The following SF3B6 variants were observed in gnomAD, a reference collection of about 807,000 sequenced individuals.
SF3B6 encodes SF3b 14 kDa subunit.
A neutral mutation model predicts 15.9 loss-of-function variants in SF3B6; 3 were observed. That is an observed-to-expected ratio of 0.19 (90% CI 0.09 to 0.49). The LOEUF (loss-of-function observed/expected upper bound fraction) is 0.49, where lower values mean the gene tolerates loss of function less well. SF3B6 is among the 20% of genes least tolerant of loss of function. The pLI is 0.97. For synonymous variants in SF3B6, 49 were observed against 51.1 expected, an observed-to-expected ratio of 0.96 and a Z score of 0.18; for missense variants, 71 against 154.3, an observed-to-expected ratio of 0.46 and a Z score of 2.86.
chr2:24,069,009 G>A (rs1553322419), intron 2 of SF3B6, among the ~76,000 whole-genome samples: 3 of 152,144 alleles, frequency 2.0e-5, no homozygotes, highest in Non-Finnish European at 4.4e-5. Context: ...ACCATGCCCA[G>A]CTAATTTTTG....
At chr2:24,072,238 G>A (rs780283520) in intron 2 of SF3B6, among the ~76,000 whole-genome samples, 11 of 152,156 alleles carry the variant, frequency 7.2e-5, no homozygotes, top group South Asian at 2.1e-4. Context: ...TGCCTGTCTC[G>A]GCCTCCCAAA....
intron 2 of SF3B6, among the ~76,000 whole-genome samples, chr2:24,072,474 T>C (rs1274788978): frequency 2.0e-5 from 3 of 152,016 alleles, no homozygotes; most frequent in Non-Finnish European, 4.4e-5. Context: ...GAGAGACACA[T>C]GGAAATGCTA....
In SF3B6 at chr2:24,076,317, G is replaced by C; in HGVS notation, c.-88C>G. On this transcript the variant is annotated 5_prime_UTR_variant, in exon 1 of 4. Transcript: ENST00000233468. Reference sequence around the variant, plus strand: ...CGGGGGTTACACCGCGTTAGATGCAGGACATCAACATCCAGGACCCGCCGG... The same window carrying C: ...CGGGGGTTACACCGCGTTAGATGCACGACATCAACATCCAGGACCCGCCGG... 2 of 1,513,158 alleles carry C rather than the reference G, an allele frequency of 1.3e-6. No individual in the cohort carries two copies. Among genetic ancestry groups the C allele is most frequent in the Admixed American group, 3.3e-5 (2 of 59,806 alleles). 93.7% of individuals were successfully genotyped at this position (1,513,158 alleles called of 1,614,324 possible). A position where few individuals can be genotyped will look rare whatever the true frequency, so the allele number is the denominator to read the frequency against.
At chr2:24,068,610 C>A in intron 2 of SF3B6, 151 bp from the exon 3 acceptor site, 2 of 698,004 alleles carry the variant, frequency 2.9e-6, no homozygotes, top group Non-Finnish European at 2.3e-6. Flanking sequence ...CAACCTGAAA[C>A]CATCAGAGGA....
At chr2:24,070,000 G>A (rs10208832) in intron 2 of SF3B6, among the ~76,000 whole-genome samples, 18,133 of 152,042 alleles carry the variant, frequency 0.12, 1,253 homozygotes, top group South Asian at 0.18. Context: ...TCTTCTATCA[G>A]TTCTCTCACA....
rs1464294244 is a variant in SF3B6 at position 24,075,331 on chromosome 2, TC to T, written c.30+868del. Among the ~76,000 whole-genome samples, 7 of 69,870 alleles carry T rather than the reference TC, an allele frequency of 1.0e-4. No individual in the cohort carries two copies. In the East Asian group the frequency reaches 4.1e-3, roughly 41 times the overall value. 45.8% of individuals were successfully genotyped at this position (69,870 alleles called of 152,430 possible). ...TACATATACAATGGTCAATTGCTTG[TC>T]TTTTCTTTCTTTCTTTCTTTCTTTC... On this transcript the variant is annotated intron_variant, in intron 1 of 3. Coordinates refer to ENST00000233468, the MANE Select transcript of SF3B6 (RefSeq NM_016047.4).
intron 2 of SF3B6, among the ~76,000 whole-genome samples, chr2:24,070,133 A>C (rs1177885144): frequency 6.6e-6 from 1 of 152,200 alleles, no homozygotes; most frequent in Non-Finnish European, 1.5e-5. Context: ...TCTCCATCTT[A>C]AGTGTCCCAG....
rs558291383 is a variant in SF3B6 at position 24,074,983 on chromosome 2, G to C, written c.31-789C>G. Among the ~76,000 whole-genome samples, 3 of 152,240 alleles carry C rather than the reference G, an allele frequency of 2.0e-5. No individual in the cohort carries two copies. In the South Asian group the frequency reaches 6.2e-4, roughly 32 times the overall value. On this transcript the variant is annotated intron_variant, in intron 1 of 3. Coordinates refer to ENST00000233468, the MANE Select transcript of SF3B6 (RefSeq NM_016047.4). ...GTCTCTACTAAAAATACAAAAATTA[G>C]CCGGGCATGGTGGTGGGCACCTGTA...
At position 24,076,127 on chromosome 2, in the gene SF3B6, A is replaced by G; in HGVS notation, c.30+73T>C. 6 of 1,569,506 alleles carry G rather than the reference A, an allele frequency of 3.8e-6. No individual in the cohort carries two copies. The South Asian group carries it at 6.7e-5, about 17-fold the overall frequency. On this transcript the variant is annotated intron_variant, in intron 1 of 3. Transcript: ENST00000233468. ...CTCTGGGGACGGAGGAGGAGCAAGA[A>G]TGCTCCGATCCACGCCGCTAAGAAA...
chr2:24,076,318 G>A lies in SF3B6; in HGVS notation c.-89C>T, dbSNP rs35100357. 4.8e-4 allele frequency: 728 copies of A among 1,505,770 alleles called. 2 individuals carry two copies. The African/African-American group carries it at 9.1e-3, about 19-fold the overall frequency. The allele number at this position is 1,505,770 out of a possible 1,614,324, so 93.3% of individuals were successfully genotyped here. A position where few individuals can be genotyped will look rare whatever the true frequency, so the allele number is the denominator to read the frequency against. On this transcript the variant is annotated 5_prime_UTR_variant, in exon 1 of 4. Coordinates refer to ENST00000233468, the MANE Select transcript of SF3B6 (RefSeq NM_016047.4). ...GGGGGTTACACCGCGTTAGATGCAGGACATCAACATCCAGGACCCGCCGGA... is the reference window on the plus strand; with the variant it reads ...GGGGGTTACACCGCGTTAGATGCAGAACATCAACATCCAGGACCCGCCGGA...
chr2:24,073,872 T>C (rs1664691501), intron 2 of SF3B6: 1 of 457,268 alleles, frequency 2.2e-6, no homozygotes. Flanking sequence ...TTCTTGGCTC[T>C]CATTGAGCTG....
rs576642714 is a variant in SF3B6 at position 24,068,243 on chromosome 2, A to G, written c.288+78T>C. 163 of 1,440,284 alleles carry G rather than the reference A, an allele frequency of 1.1e-4. 1 individual carries two copies. Among genetic ancestry groups the G allele is most frequent in the South Asian group, 1.1e-3 (78 of 72,880 alleles). The allele number at this position is 1,440,284 out of a possible 1,614,324, so 89.2% of individuals were successfully genotyped here. On this transcript the variant is annotated intron_variant, in intron 3 of 3. Coordinates refer to ENST00000233468, the MANE Select transcript of SF3B6 (RefSeq NM_016047.4). Reference sequence around the variant, plus strand: ...CTCCCAAAATGCTGGGATTACAGGCATGAGCCACCGCGCCCGGCCAGTTCT... The same window carrying G: ...CTCCCAAAATGCTGGGATTACAGGCGTGAGCCACCGCGCCCGGCCAGTTCT...
At chr2:24,074,705 G>A (rs1014933287) in intron 1 of SF3B6, among the ~76,000 whole-genome samples, 14 of 152,046 alleles carry the variant, frequency 9.2e-5, no homozygotes, top group Admixed American at 8.5e-4. Context: ...CTATTACTAC[G>A]CCAACCTTCA....
intron 2 of SF3B6, among the ~76,000 whole-genome samples, chr2:24,073,079 C>T (rs958570870): frequency 4.6e-5 from 7 of 152,176 alleles, no homozygotes; most frequent in Non-Finnish European, 1.0e-4. Context: ...CATCTGAGTA[C>T]CAATGATCAT....
chr2:24,068,124 C>T (rs926041529), intron 3 of SF3B6, among the ~76,000 whole-genome samples, 197 bp downstream of exon 3: 3 of 152,108 alleles, frequency 2.0e-5, no homozygotes, highest in Non-Finnish European at 4.4e-5. Context: ...CCACCACGCC[C>T]GGCTAATTTT....
chr2:24,068,253 G>A (rs1055009564), intron 3 of SF3B6, 68 bp downstream of exon 3: 41 of 1,498,766 alleles, frequency 2.7e-5, no homozygotes, highest in Admixed American at 1.4e-4. Flanking sequence ...ATGAGCCACC[G>A]CGCCCGGCCA....
At chr2:24,076,139 A>G (rs374464479) in intron 1 of SF3B6, 61 bp downstream of exon 1, 9 of 1,607,612 alleles carry the variant, frequency 5.6e-6, no homozygotes, top group African/African-American at 1.3e-5. Flanking sequence ...GCTCCGATCC[A>G]CGCCGCTAAG....
chr2:24,075,416 C>T (rs116244189), intron 1 of SF3B6, among the ~76,000 whole-genome samples: 187 of 141,514 alleles, frequency 1.3e-3, no homozygotes, highest in African/African-American at 4.6e-3. Flanking sequence ...TGAAGTGCTG[C>T]GCAGTGGCAC....
chr2:24,076,100 C>T lies in SF3B6; in HGVS notation c.30+100G>A, dbSNP rs1296430515. On this transcript the variant is annotated intron_variant, in intron 1 of 3. Transcript: ENST00000233468. Reference sequence around the variant, plus strand: ...ACAGGATAGGAATTCTGGAGTTCTCCGCTCTGGGGACGGAGGAGGAGCAAG... The same window carrying T: ...ACAGGATAGGAATTCTGGAGTTCTCTGCTCTGGGGACGGAGGAGGAGCAAG... 11 of 1,466,874 alleles carry T rather than the reference C, an allele frequency of 7.5e-6. No individual in the cohort carries two copies. The East Asian group carries it at 2.3e-4, about 30-fold the overall frequency. The allele number at this position is 1,466,874 out of a possible 1,614,324, so 90.9% of individuals were successfully genotyped here. A position where few individuals can be genotyped will look rare whatever the true frequency, so the allele number is the denominator to read the frequency against.
Sources: gnomAD v4.1 joint callset for allele counts (sites outside exome capture counted in the v4.1 genomes callset) on GRCh38, gnomAD v4.1.1 for gene constraint, MANE v1.5 for transcripts, NCBI Gene and HGNC (gene_info 2026-07-23, HGNC 2026-07-21) for gene names.